TFPI: variants seen among roughly 807,000 people sequenced by gnomAD.
TFPI encodes tissue factor pathway inhibitor, also known as anti-convertin.
TFPI carries 15 observed loss-of-function variants against 34.6 expected under a neutral mutation model. The observed-to-expected ratio is 0.43, with a 90% confidence interval of 0.29 to 0.67. The LOEUF (loss-of-function observed/expected upper bound fraction) is 0.67, where lower values mean the gene tolerates loss of function less well. Ranked by LOEUF, TFPI falls within the 30% of genes least tolerant of loss-of-function variation. The pLI is 0.15. For synonymous variants in TFPI, 105 were observed against 120.1 expected (o/e 0.87, Z 0.82); for missense variants, 301 against 364.0 (o/e 0.83, Z 1.41).
Position 187,490,325 on chromosome 2 carries a change from A to G in TFPI, c.320-1950T>C, listed in dbSNP as rs1158357405. Among the ~76,000 whole-genome samples the G allele has an allele frequency of 5.9e-5, 9 of 151,824 alleles. No homozygotes were observed. In the East Asian group the frequency reaches 1.7e-3, roughly 29 times the overall value. On this transcript the variant is annotated intron_variant, in intron 3 of 7. Transcript: ENST00000233156. ...TTTACTTTTTCTGTCAGTTACTGAA[A>G]AAAGGTGTCTTGAAGTATGTAAACT...
chr2:187,471,353 A>G (rs548528883), intron 6 of TFPI, among the ~76,000 whole-genome samples: 1 of 152,256 alleles, frequency 6.6e-6, no homozygotes, highest in Non-Finnish European at 1.5e-5. Flanking sequence ...GAAGAGAAAA[A>G]CTTCATTGTT....
intron 1 of TFPI, among the ~76,000 whole-genome samples, chr2:187,546,518 A>T (rs1017060642): frequency 1.3e-5 from 2 of 152,116 alleles, no homozygotes; most frequent in Non-Finnish European, 2.9e-5. Flanking sequence ...CAAAACTAGT[A>T]GCTCCAAATG....
intron 1 of TFPI, among the ~76,000 whole-genome samples, chr2:187,549,221 C>G (rs1223888652): frequency 6.6e-6 from 1 of 152,040 alleles, no homozygotes; most frequent in Non-Finnish European, 1.5e-5. Context: ...CTGTTTGCCT[C>G]AAGTGGTGTA....
At chr2:187,498,551 C>T (rs1291111159) in intron 2 of TFPI, among the ~76,000 whole-genome samples, 3 of 151,784 alleles carry the variant, frequency 2.0e-5, no homozygotes, top group South Asian at 4.1e-4. Flanking sequence ...CATAAGTTGG[C>T]ATTTTCATGC....
intron 3 of TFPI, among the ~76,000 whole-genome samples, chr2:187,491,916 T>C (rs189712808): frequency 3.0e-4 from 46 of 152,300 alleles, no homozygotes; most frequent in African/African-American, 1.1e-3. Flanking sequence ...ATATGGTATC[T>C]CATTGTGGTT....
chr2:187,537,579 A>G (rs527568786), intron 1 of TFPI, among the ~76,000 whole-genome samples: 1 of 152,342 alleles, frequency 6.6e-6, no homozygotes, highest in African/African-American at 2.4e-5. Flanking sequence ...ACCTTACACA[A>G]AAATTAACTC....
At chr2:187,510,325 G>T (rs1686533140) in intron 1 of TFPI, among the ~76,000 whole-genome samples, 1 of 151,998 alleles carries the variant, frequency 6.6e-6, no homozygotes, top group South Asian at 2.1e-4. Flanking sequence ...CCACATCCTT[G>T]CTCTATTCAG....
intron 1 of TFPI, chr2:187,514,847 C>T (rs1218487411): frequency 6.6e-6 from 1 of 152,208 alleles, no homozygotes; most frequent in Non-Finnish European, 1.5e-5. Context: ...CAATTTAAAG[C>T]CCAAAATCAA....
At chr2:187,543,896 G>A (rs574277106) in intron 1 of TFPI, among the ~76,000 whole-genome samples, 39 of 152,276 alleles carry the variant, frequency 2.6e-4, no homozygotes, top group African/African-American at 9.4e-4. Flanking sequence ...ACTTGTTACT[G>A]AAGCTGCAAT....
intron 1 of TFPI, among the ~76,000 whole-genome samples, chr2:187,540,890 C>CAAAAAA (rs56921212): frequency 8.3e-4 from 70 of 84,522 alleles, no homozygotes; most frequent in South Asian, 1.2e-3. Context: ...GACTCCATCT[C>CAAAAAA]AAAAAAAAAA....
intron 1 of TFPI, 87 bp from the exon 2 acceptor site, chr2:187,503,857 A>C: frequency 4.2e-6 from 6 of 1,433,156 alleles, no homozygotes; most frequent in African/African-American, 1.4e-5. Context: ...TGTGTACCTC[A>C]TATGCAAATT....
At position 187,497,064 on chromosome 2, in the gene TFPI, G is replaced by A; in HGVS notation, c.136C>T (p.Pro46Ser). ...HTIITDTELP[P>S]LKLMHSFCAF... ...CAAAATGAATGCATAAGTTTCAGTGGTGGCAACTCCGTATCTATAAAGTAA... is the reference window on the plus strand; with the variant it reads ...CAAAATGAATGCATAAGTTTCAGTGATGGCAACTCCGTATCTATAAAGTAA... The change falls in exon 3 of 8, where the codon CCA becomes TCA. Residue 46 changes from proline (P) to serine (S), a missense_variant. Transcript: ENST00000233156. The A allele has an allele frequency of 6.2e-7, 1 of 1,612,650 alleles. No individual in the cohort carries two copies. The highest frequency in any genetic ancestry group is 8.5e-7 in the Non-Finnish European group (1 of 1,179,262).
intron 1 of TFPI, among the ~76,000 whole-genome samples, chr2:187,534,876 G>A (rs1180684376): frequency 6.7e-6 from 1 of 148,322 alleles, no homozygotes; most frequent in African/African-American, 2.5e-5. Context: ...GAGGAATATT[G>A]ACCAAGCAAA....
intron 1 of TFPI, among the ~76,000 whole-genome samples, chr2:187,505,688 G>T (rs533139970): frequency 6.6e-6 from 1 of 152,136 alleles, no homozygotes; most frequent in Non-Finnish European, 1.5e-5. Context: ...GACTAGCTCT[G>T]ATAGTTTTAG....
At chr2:187,543,089 ATTAC>A (rs1172573803) in intron 1 of TFPI, among the ~76,000 whole-genome samples, 2 of 152,198 alleles carry the variant, frequency 1.3e-5, no homozygotes, top group African/African-American at 4.8e-5. Flanking sequence ...TAAATGGTTT[ATTAC>A]TTAATCATCA....
chr2:187,542,243 G>T (rs148198632), intron 1 of TFPI, among the ~76,000 whole-genome samples: 1 of 152,090 alleles, frequency 6.6e-6, no homozygotes, highest in Non-Finnish European at 1.5e-5. Context: ...TTAACTGTGG[G>T]CTGAATAAAA....
chr2:187,545,115 AAAAG>A (rs1213001257), intron 1 of TFPI, among the ~76,000 whole-genome samples: 1 of 152,216 alleles, frequency 6.6e-6, no homozygotes, highest in Non-Finnish European at 1.5e-5. Flanking sequence ...TGTTTCAAAA[AAAAG>A]AAAAAAGAAA....
rs1271351378 is a variant in TFPI, at chr2:187,515,233, GC to G, written c.-2-11464del. ...TCTTGGGCAAAACCTAAAGATAAAG[GC>G]CCCCCATACTGTGGTGACTTTAATA... On this transcript the variant is annotated intron_variant, in intron 1 of 7. Transcript: ENST00000233156. 2.6e-5 allele frequency: 4 copies of G among 152,140 alleles called. No individual in the cohort carries two copies. The East Asian group carries it at 7.7e-4, about 29-fold the overall frequency. 9.4% of individuals were successfully genotyped at this position (152,140 alleles called of 1,614,324 possible).
At chr2:187,493,611 C>T (rs547713823) in intron 3 of TFPI, among the ~76,000 whole-genome samples, 1 of 152,280 alleles carries the variant, frequency 6.6e-6, no homozygotes, top group South Asian at 2.1e-4. Flanking sequence ...CTCTGTTTCT[C>T]TTTTGAAACT....
Sources: gnomAD v4.1 joint callset for allele counts (sites outside exome capture counted in the v4.1 genomes callset) on GRCh38, gnomAD v4.1.1 for gene constraint, MANE v1.5 for transcripts, NCBI Gene and HGNC (gene_info 2026-07-23, HGNC 2026-07-21) for gene names.